Variants in MAGI1 observed in about 807,000 individuals in gnomAD.
MAGI1 encodes the protein membrane-associated guanylate kinase, WW and PDZ domain-containing protein 1.
A neutral mutation model predicts 139.9 loss-of-function variants in MAGI1; 58 were observed. The ratio of observed to expected loss-of-function variants is 0.41; its 90% CI spans 0.34 to 0.52. The LOEUF (loss-of-function observed/expected upper bound fraction) is 0.52, where lower values mean the gene tolerates loss of function less well. MAGI1 is among the 20% of genes least tolerant of loss of function. MAGI1 has a pLI of 0.12. For missense variants in MAGI1, 1,874 were observed against 1,901.6 expected (o/e 0.99, Z 0.27); for synonymous variants, 812 against 737.9 (o/e 1.10, Z -1.63).
At chr3:65,646,418 G>C (rs1231191732) in intron 1 of MAGI1, among the ~76,000 whole-genome samples, 1 of 151,906 alleles carries the variant, frequency 6.6e-6, no homozygotes, top group Non-Finnish European at 1.5e-5. Context: ...TGATAGAACA[G>C]AAAAGAGAAA....
At chr3:65,964,776 C>T (rs1243786743) in intron 1 of MAGI1, among the ~76,000 whole-genome samples, 1 of 152,174 alleles carries the variant, frequency 6.6e-6, no homozygotes, top group Non-Finnish European at 1.5e-5. Flanking sequence ...TCAGGCATAT[C>T]CTAGGTTCAC....
chr3:65,388,264 G>A (rs148285311), intron 14 of MAGI1, among the ~76,000 whole-genome samples: 15 of 152,248 alleles, frequency 9.9e-5, no homozygotes, highest in Admixed American at 2.0e-4. Context: ...GAAGGAATGC[G>A]TTCACAGATT....
At chr3:65,499,681 T>G (rs1026018977) in intron 2 of MAGI1, among the ~76,000 whole-genome samples, 3 of 152,162 alleles carry the variant, frequency 2.0e-5, no homozygotes, top group African/African-American at 2.4e-5. Flanking sequence ...GCCTTTAATG[T>G]GCACTGAAGT....
At chr3:65,807,305 T>C (rs1196619122) in intron 1 of MAGI1, among the ~76,000 whole-genome samples, 4 of 152,188 alleles carry the variant, frequency 2.6e-5, no homozygotes, top group African/African-American at 9.7e-5. Context: ...TCATCTCTGC[T>C]TTCAAAACAG....
chr3:65,452,622 C>T (rs1372890607), intron 6 of MAGI1: 3 of 151,448 alleles, frequency 2.0e-5, no homozygotes. Context: ...TTAGAAAACC[C>T]AAAGCCTTGA....
chr3:65,566,716 AT>A (rs2080671503), intron 2 of MAGI1, among the ~76,000 whole-genome samples: 1 of 152,246 alleles, frequency 6.6e-6, no homozygotes, highest in East Asian at 1.9e-4. Context: ...AAGACAATAT[AT>A]TTTTAAATGT....
intron 2 of MAGI1, among the ~76,000 whole-genome samples, chr3:65,573,082 C>T (rs560724432): frequency 6.6e-6 from 1 of 151,926 alleles, no homozygotes; most frequent in African/African-American, 2.4e-5. Context: ...CCCCAAATAA[C>T]CAGTGTTAAT....
chr3:65,611,673 CTATA>C lies in MAGI1; in HGVS notation c.430+10295_430+10298del, dbSNP rs1186593931. Reference sequence around the variant, plus strand: ...ATATATACTATACTATTATAGTATACTATATATAGTGTCATACATGTGTATATAC... The same window carrying C: ...ATATATACTATACTATTATAGTATACTATAGTGTCATACATGTGTATATAC... On this transcript the variant is annotated intron_variant, in intron 2 of 22. Transcript: ENST00000402939. 8.4e-5 allele frequency among the ~76,000 whole-genome samples: 11 copies of C among 131,056 alleles called. No homozygotes were observed. In the South Asian group the frequency reaches 2.2e-3, roughly 26 times the overall value. The allele number at this position is 131,056 out of a possible 152,430, so 86.0% of individuals were successfully genotyped here.
At chr3:65,359,353 G>A (rs11708083) in intron 22 of MAGI1, 78,900 of 1,363,134 alleles carry the variant, frequency 0.058, 2,604 homozygotes, top group Middle Eastern at 0.12. Context: ...GACCGCAATC[G>A]GAACAGTGAC....
intron 2 of MAGI1, among the ~76,000 whole-genome samples, chr3:65,526,632 A>G (rs981221843): frequency 6.6e-6 from 1 of 152,200 alleles, no homozygotes; most frequent in Non-Finnish European, 1.5e-5. Flanking sequence ...GAAAAGCCCA[A>G]TTCTCTCCTC....
At chr3:65,391,500 G>C in intron 13 of MAGI1, 142 bp from the exon 14 acceptor site, 2 of 659,654 alleles carry the variant, frequency 3.0e-6, no homozygotes, top group Non-Finnish European at 5.2e-6. Context: ...CCTTTCTCCA[G>C]CTAATGCTGA....
chr3:65,372,829 G>GT (rs1228867984), intron 18 of MAGI1, among the ~76,000 whole-genome samples: 3 of 152,074 alleles, frequency 2.0e-5, no homozygotes, highest in Admixed American at 6.5e-5. Context: ...TAGCTTCAAA[G>GT]TATCTTCTCT....
At chr3:65,791,347 C>T (rs1013953849) in intron 1 of MAGI1, among the ~76,000 whole-genome samples, 21 of 152,196 alleles carry the variant, frequency 1.4e-4, no homozygotes, top group African/African-American at 4.8e-5. Flanking sequence ...ATGAGTTCCA[C>T]ATCTATGAAT....
At chr3:65,903,566 T>C (rs1006684195) in intron 1 of MAGI1, among the ~76,000 whole-genome samples, 13 of 152,176 alleles carry the variant, frequency 8.5e-5, no homozygotes, top group African/African-American at 2.2e-4. Flanking sequence ...TGCCTGCACG[T>C]ACACACACCT....
chr3:65,368,428 T>G (rs1941649991), intron 18 of MAGI1, among the ~76,000 whole-genome samples: 1 of 152,202 alleles, frequency 6.6e-6, no homozygotes, highest in Admixed American at 6.5e-5. Flanking sequence ...ATCCCAGCTC[T>G]CACAGCCCTG....
intron 1 of MAGI1, among the ~76,000 whole-genome samples, chr3:65,923,073 G>T (rs571481301): frequency 1.3e-5 from 2 of 152,176 alleles, no homozygotes; most frequent in Non-Finnish European, 2.9e-5. Context: ...TTCCATACTG[G>T]CCTGCAATTT....
intron 7 of MAGI1, among the ~76,000 whole-genome samples, chr3:65,444,210 C>G (rs954635010): frequency 3.3e-5 from 5 of 152,172 alleles, no homozygotes; most frequent in African/African-American, 7.2e-5. Context: ...AAATGCAAGA[C>G]AGGTCCAATT....
At chr3:65,393,258 T>G (rs760734156) in intron 13 of MAGI1, among the ~76,000 whole-genome samples, 1 of 152,302 alleles carries the variant, frequency 6.6e-6, no homozygotes, top group African/African-American at 2.4e-5. Context: ...GTTGCTTTTT[T>G]TCCCCCCCTC....
intron 1 of MAGI1, among the ~76,000 whole-genome samples, chr3:65,682,808 G>A (rs553616360): frequency 8.5e-5 from 13 of 152,204 alleles, no homozygotes; most frequent in African/African-American, 3.1e-4. Context: ...ACAGTAACAG[G>A]CAGAACACAG....
Sources: allele counts gnomAD v4.1 joint callset (sites outside exome capture counted in the v4.1 genomes callset), GRCh38; gene constraint gnomAD v4.1.1; transcripts MANE v1.5; gene names NCBI Gene and HGNC (gene_info 2026-07-23, HGNC 2026-07-21).